Variants in N4BP2L2 observed in about 807,000 individuals in gnomAD.
N4BP2L2 encodes the protein NEDD4-binding protein 2-like 2.
A neutral mutation model predicts 56.2 loss-of-function variants in N4BP2L2; 50 were observed. That is an observed-to-expected ratio of 0.89 (90% CI 0.71 to 1.13). The LOEUF (loss-of-function observed/expected upper bound fraction) is 1.13, where lower values mean the gene tolerates loss of function less well. Among genes scored for constraint, N4BP2L2 ranks in the 50% most tolerant of loss-of-function variants. The pLI is 0.00. For synonymous variants in N4BP2L2, 203 were observed against 223.6 expected (o/e 0.91, Z 0.82); for missense variants, 689 against 693.8 (o/e 0.99, Z 0.08).
At chr13:32,525,075 CAA>C (rs1469665456) in intron 3 of N4BP2L2, 1 of 152,020 alleles carries the variant, frequency 6.6e-6, no homozygotes, top group Non-Finnish European at 1.5e-5. Flanking sequence ...GCCAGTACTG[CAA>C]AGAGAAAAAA....
chr13:32,531,595 T>C (rs887905388), intron 2 of N4BP2L2, among the ~76,000 whole-genome samples: 1 of 152,172 alleles, frequency 6.6e-6, no homozygotes, highest in Non-Finnish European at 1.5e-5. Context: ...ATTCAATCTC[T>C]AAACACTCCC....
rs369328452 is a variant in N4BP2L2, at chr13:32,434,248, C to CTTTTTTTTTT, written c.*22-1277_*22-1276insAAAAAAAAAA. ...TGTGCCACCACATTCAGCTAATTTT[C>CTTTTTTTTTT]TTTTTTTCTTTTTTTTTTTTTTGTA... On this transcript the variant is annotated intron_variant, in intron 9 of 9. Coordinates refer to the N4BP2L2 transcript ENST00000357505. Among the ~76,000 whole-genome samples, 82 of 112,010 alleles carry CTTTTTTTTTT rather than the reference C, an allele frequency of 7.3e-4. 1 individual carries two copies. The highest frequency in any genetic ancestry group is 2.3e-3 in the South Asian group (7 of 3,006). The allele number at this position is 112,010 out of a possible 152,430, so 73.5% of individuals were successfully genotyped here.
exon 4 of N4BP2L2, chr13:32,522,217 T>C: frequency 6.4e-7 from 1 of 1,573,678 alleles, no homozygotes; most frequent in Non-Finnish European, 8.6e-7. Flanking sequence ...CAAGCTTGTA[T>C]ATTAGTGTTA....
rs372667418 is a variant in N4BP2L2, at chr13:32,471,178, T to C, written c.366-27052A>G. ...ATGTATGTGTTGGACCTGGGGCCTA[T>C]GTGCCAAACCTGTGTATCAGGCCTG... is the stretch of plus-strand genomic sequence containing the variant. On this transcript the variant is annotated intron_variant, in intron 6 of 9. Coordinates refer to the N4BP2L2 transcript ENST00000357505. 3.2e-4 allele frequency among the ~76,000 whole-genome samples: 48 copies of C among 152,270 alleles called. No individual in the cohort carries two copies. The South Asian group carries it at 9.5e-3, about 30-fold the overall frequency.
intron 6 of N4BP2L2, among the ~76,000 whole-genome samples, chr13:32,470,108 T>C (rs2082028565): frequency 6.6e-6 from 1 of 152,122 alleles, no homozygotes; most frequent in Non-Finnish European, 1.5e-5. Flanking sequence ...GCTTATGCAT[T>C]GTGTATCTCT....
exon 7 of N4BP2L2, chr13:32,442,953 C>A (rs559227231): frequency 6.2e-7 from 1 of 1,613,330 alleles, no homozygotes; most frequent in South Asian, 1.1e-5. Flanking sequence ...TTTCTTCTCC[C>A]AAAGTAATTT....
chr13:32,442,958 T>G (rs760702386), exon 7 of N4BP2L2: 2 of 1,613,674 alleles, frequency 1.2e-6, no homozygotes, highest in Non-Finnish European at 8.5e-7. Context: ...TCTCCCAAAG[T>G]AATTTTTAGT....
At chr13:32,481,344 G>A (rs1423585469) in intron 6 of N4BP2L2, among the ~76,000 whole-genome samples, 1 of 151,970 alleles carries the variant, frequency 6.6e-6, no homozygotes, top group African/African-American at 2.4e-5. Context: ...GCCAGCAATG[G>A]CTCCTAAACT....
exon 6 of N4BP2L2, chr13:32,511,578 A>G (rs2048141598): frequency 6.6e-6 from 1 of 152,166 alleles, no homozygotes; most frequent in African/African-American, 2.4e-5. Context: ...ATTCTACCTA[A>G]CCCACAGGGT....
At position 32,450,426 on chromosome 13, in the gene N4BP2L2, G is replaced by A. The variant is rs571175529; in HGVS notation, c.366-6300C>T. Among the ~76,000 whole-genome samples, 369 of 151,762 alleles carry A rather than the reference G, an allele frequency of 2.4e-3. 2 individuals are homozygous for A. The highest frequency in any genetic ancestry group is 8.1e-3 in the African/African-American group (333 of 41,330). On this transcript the variant is annotated intron_variant, in intron 6 of 9. Coordinates refer to the N4BP2L2 transcript ENST00000357505. ...TGCAAGCTCCGCCTCCCAGGTTCAG[G>A]CCATTCTCCTGCCTCAGCCTCCCAA...
At chr13:32,525,622 T>C (rs2052504863) in intron 3 of N4BP2L2, 1 of 152,204 alleles carries the variant, frequency 6.6e-6, no homozygotes, top group African/African-American at 2.4e-5. Flanking sequence ...TGAGCTATGA[T>C]TGTGTCACTA....
chr13:32,531,103 C>G (rs1044620486), intron 2 of N4BP2L2, among the ~76,000 whole-genome samples: 2 of 152,112 alleles, frequency 1.3e-5, no homozygotes, highest in Non-Finnish European at 2.9e-5. Flanking sequence ...TGAGAGAGCT[C>G]TTAGAACCAG....
chr13:32,436,785 C>CAAAAAAAAAAAAAAAAAAAAAAA (rs1174354861), intron 8 of N4BP2L2, among the ~76,000 whole-genome samples: 1 of 44,970 alleles, frequency 2.2e-5, no homozygotes. Flanking sequence ...GTGTGACTGT[C>CAAAAAAAAAAAAAAAAAAAAAAA]AAAAAAAAAA....
intron 6 of N4BP2L2, chr13:32,446,348 G>T (rs779632649): frequency 2.2e-6 from 3 of 1,363,706 alleles, no homozygotes; most frequent in Non-Finnish European, 2.9e-6. Flanking sequence ...CTCCTTCATG[G>T]CCAGTTCTAC....
chr13:32,521,504 AAAG>A, intron 4 of N4BP2L2, 55 bp from the exon 5 acceptor site: 2 of 1,227,572 alleles, frequency 1.6e-6, no homozygotes, highest in Non-Finnish European at 2.3e-6. Context: ...CTTAAAGTAA[AAAG>A]AAGGCAGACA....
intron 1 of N4BP2L2, among the ~76,000 whole-genome samples, chr13:32,537,534 A>C (rs2056847068): frequency 6.6e-6 from 1 of 152,184 alleles, no homozygotes; most frequent in Admixed American, 6.6e-5. Context: ...CAAACCTCAG[A>C]CAACCAATCT....
chr13:32,448,309 G>A (rs1244018863), intron 6 of N4BP2L2, among the ~76,000 whole-genome samples: 1 of 152,008 alleles, frequency 6.6e-6, no homozygotes, highest in Non-Finnish European at 1.5e-5. Flanking sequence ...CATCAAAGCT[G>A]TGTCAAGGAT....
At chr13:32,491,537 A>C (rs2087061569) in intron 6 of N4BP2L2, among the ~76,000 whole-genome samples, 1 of 147,764 alleles carries the variant, frequency 6.8e-6, no homozygotes, top group African/African-American at 2.5e-5. Flanking sequence ...TATATAAACT[A>C]TATATATACT....
At chr13:32,486,692 T>TAATAAC (rs1214084566) in intron 6 of N4BP2L2, among the ~76,000 whole-genome samples, 11 of 148,172 alleles carry the variant, frequency 7.4e-5, no homozygotes, top group East Asian at 6.0e-4. Flanking sequence ...ATAATAATAA[T>TAATAAC]AATAACATAA....
Sources: gnomAD v4.1 joint callset for allele counts (sites outside exome capture counted in the v4.1 genomes callset) on GRCh38, gnomAD v4.1.1 for gene constraint, MANE v1.5 for transcripts, NCBI Gene and HGNC (gene_info 2026-07-23, HGNC 2026-07-21) for gene names.